Variants in CSMD1 observed in about 807,000 individuals in gnomAD.
CSMD1 encodes CUB and Sushi multiple domains 1, also known as CUB and sushi domain-containing protein 1.
A neutral mutation model predicts 417.5 loss-of-function variants in CSMD1; 213 were observed. The observed-to-expected ratio is 0.51, with a 90% CI of 0.46 to 0.57. The LOEUF (loss-of-function observed/expected upper bound fraction) is 0.57, where lower values mean the gene tolerates loss of function less well. Ranked by LOEUF, CSMD1 falls within the 20% of genes least tolerant of loss-of-function variation. The pLI, the probability that CSMD1 is intolerant of heterozygous loss-of-function variation, is 0.00. For synonymous variants in CSMD1, 2,862 were observed against 1,736.8 expected (o/e 1.65, Z -16.11); for missense variants, 6,923 against 4,529.7 (o/e 1.53, Z -15.17).
chr8:3,316,360 G>C (rs1310396735), intron 23 of CSMD1, among the ~76,000 whole-genome samples: 1 of 152,136 alleles, frequency 6.6e-6, no homozygotes, highest in Non-Finnish European at 1.5e-5. Flanking sequence ...AACTTTTTTG[G>C]GGCATGGTGG....
chr8:2,991,917 C>T (rs551337974), intron 54 of CSMD1, among the ~76,000 whole-genome samples: 1 of 152,150 alleles, frequency 6.6e-6, no homozygotes, highest in African/African-American at 2.4e-5. Flanking sequence ...GGTGACTACA[C>T]AGCGAAAACC....
At chr8:4,270,875 G>A (rs186364019) in intron 3 of CSMD1, among the ~76,000 whole-genome samples, 16 of 152,188 alleles carry the variant, frequency 1.1e-4, no homozygotes, top group African/African-American at 3.4e-4. Flanking sequence ...CCCCCTCTGA[G>A]GACCTCATTC....
intron 1 of CSMD1, among the ~76,000 whole-genome samples, chr8:4,700,072 A>G (rs1470143421): frequency 6.6e-6 from 1 of 152,184 alleles, no homozygotes; most frequent in Non-Finnish European, 1.5e-5. Context: ...CCTTTTCCTA[A>G]TGAGATGAAG....
chr8:3,231,930 T>C (rs1798863329), intron 26 of CSMD1, among the ~76,000 whole-genome samples: 1 of 152,208 alleles, frequency 6.6e-6, no homozygotes, highest in African/African-American at 2.4e-5. Context: ...CTCCTTGCTA[T>C]TCTCTAAGCT....
chr8:3,602,093 G>T (rs942267864), intron 8 of CSMD1, among the ~76,000 whole-genome samples: 29 of 152,198 alleles, frequency 1.9e-4, no homozygotes, highest in African/African-American at 6.5e-4. Flanking sequence ...ACAACCATAT[G>T]AATGTGTTAA....
chr8:3,329,867 G>T (rs1480791890), intron 23 of CSMD1, among the ~76,000 whole-genome samples: 4 of 152,210 alleles, frequency 2.6e-5, no homozygotes, highest in African/African-American at 9.6e-5. Flanking sequence ...ATGGCCCACA[G>T]TCTCTTTAGA....
chr8:3,205,140 G>T (rs1797181663), intron 31 of CSMD1, among the ~76,000 whole-genome samples: 1 of 152,168 alleles, frequency 6.6e-6, no homozygotes, highest in Admixed American at 6.5e-5. Context: ...TGCCATTCAT[G>T]CACAGACATA....
chr8:4,233,915 C>A (rs189355358), intron 3 of CSMD1, among the ~76,000 whole-genome samples: 203 of 151,776 alleles, frequency 1.3e-3, no homozygotes, highest in Non-Finnish European at 1.8e-3. Flanking sequence ...ACCAATGTCA[C>A]CCTAAAATGC....
chr8:3,601,488 C>T (rs1801358893), intron 8 of CSMD1, among the ~76,000 whole-genome samples: 2 of 152,170 alleles, frequency 1.3e-5, no homozygotes, highest in Non-Finnish European at 2.9e-5. Context: ...ATGACATACA[C>T]CAGGCAGGCC....
In CSMD1 at chr8:3,359,200, G is replaced by T. The variant is rs750395686; in HGVS notation, c.3256C>A (p.Leu1086Met). 6.2e-7 allele frequency: 1 copy of T among 1,613,904 alleles called. No homozygotes were observed. The highest frequency in any genetic ancestry group is 2.2e-5 in the East Asian group (1 of 44,830). ...RLEGATKLTCLGGGRRVWSAP... is the reference protein window; with the variant it reads ...RLEGATKLTCMGGGRRVWSAP... ...CTCCACACACGGCGGCCCCCACCCA[G>T]GCAGGTAAGCTTGGTGGCACCTTCT... is the stretch of plus-strand genomic sequence containing the variant. Residue 1086 changes from leucine (L) to methionine (M), a missense_variant, in exon 21 of 70, where the codon CTG becomes ATG. Transcript: ENST00000635120.
rs112795084 is a variant in CSMD1, at chr8:4,066,007, C to G, written c.416-33908G>C. On this transcript the variant is annotated intron_variant, in intron 3 of 69. Coordinates refer to ENST00000635120, the MANE Select transcript of CSMD1 (RefSeq NM_033225.6). ...AATAGGGGAAGGAGACCCTTCTCCA[C>G]GAATATCCTTGGAGGAAGTCAGAAG... 4.5e-3 allele frequency among the ~76,000 whole-genome samples: 682 copies of G among 152,186 alleles called. 6 individuals carry two copies. The highest frequency in any genetic ancestry group is 0.017 in the Middle Eastern group (5 of 294).
intron 1 of CSMD1, among the ~76,000 whole-genome samples, chr8:4,682,969 T>C (rs974889643): frequency 3.8e-4 from 52 of 136,210 alleles, no homozygotes; most frequent in Non-Finnish European, 5.5e-4. Flanking sequence ...TATATATATA[T>C]ATATATATAT....
At chr8:3,707,282 C>T (rs1181157663) in intron 7 of CSMD1, among the ~76,000 whole-genome samples, 1 of 148,608 alleles carries the variant, frequency 6.7e-6, no homozygotes, top group African/African-American at 2.5e-5. Flanking sequence ...ATGCAGAAGT[C>T]TGCTCTAGCA....
chr8:4,620,540 G>C (rs1407038664), intron 2 of CSMD1, among the ~76,000 whole-genome samples: 2 of 151,568 alleles, frequency 1.3e-5, no homozygotes, highest in African/African-American at 2.4e-5. Context: ...GAAATCTAAA[G>C]AATAAAAATT....
chr8:3,447,521 G>T (rs541580752), intron 12 of CSMD1, among the ~76,000 whole-genome samples: 1 of 152,276 alleles, frequency 6.6e-6, no homozygotes, highest in Admixed American at 6.5e-5. Flanking sequence ...TACTTTGTGC[G>T]GCTGGTGTGG....
intron 1 of CSMD1, among the ~76,000 whole-genome samples, chr8:4,938,746 G>C (rs1201851480): frequency 2.0e-5 from 3 of 152,158 alleles, no homozygotes; most frequent in Admixed American, 6.5e-5. Flanking sequence ...GAATGGGAAG[G>C]TTAAAAAGTG....
At position 3,387,559 on chromosome 8, in the gene CSMD1, C is replaced by T. The variant is rs771834111; in HGVS notation, c.2717G>A (p.Ser906Asn). 1.2e-6 allele frequency: 2 copies of T among 1,602,524 alleles called. No individual in the cohort carries two copies. Among genetic ancestry groups the T allele is most frequent in the Non-Finnish European group, 1.7e-6 (2 of 1,174,508 alleles). Residue 906 changes from serine to asparagine, a missense_variant, in exon 18 of 70, where the codon AGT (serine) becomes AAT (asparagine). Ser to Asn is a conservative substitution (Grantham distance 46). Transcript: ENST00000635120. ...CTCACAGACGAGGGGCTCGTCGTCA[C>T]TTAGTGTGTACCCCGGGTCACAGCT... ...TFSCDPGYTLSDDEPLVCERN... is the reference protein window; with the variant it reads ...TFSCDPGYTLNDDEPLVCERN...
chr8:3,915,771 G>C (rs1363353811), intron 5 of CSMD1, among the ~76,000 whole-genome samples: 1 of 148,636 alleles, frequency 6.7e-6, no homozygotes, highest in South Asian at 2.2e-4. Flanking sequence ...CATTGCATCT[G>C]TTCCTAAAAT....
intron 2 of CSMD1, among the ~76,000 whole-genome samples, chr8:4,482,705 C>G (rs774001642): frequency 1.3e-5 from 2 of 152,174 alleles, no homozygotes; most frequent in African/African-American, 2.4e-5. Flanking sequence ...AATTTACACT[C>G]CCACCAACAG....
Sources: gnomAD v4.1 joint callset for allele counts (sites outside exome capture counted in the v4.1 genomes callset) on GRCh38, gnomAD v4.1.1 for gene constraint, MANE v1.5 for transcripts, NCBI Gene and HGNC (gene_info 2026-07-23, HGNC 2026-07-21) for gene names.